KDM2B: variants seen among roughly 807,000 people sequenced by gnomAD.
The protein encoded by KDM2B is lysine-specific demethylase 2B.
Under a neutral mutation model 150.0 loss-of-function variants are expected in KDM2B, and 26 were observed. That is an observed-to-expected ratio of 0.17 (90% CI 0.13 to 0.24). The LOEUF (loss-of-function observed/expected upper bound fraction) is 0.24. Ranked by LOEUF, KDM2B falls within the 10% of genes least tolerant of loss-of-function variation. The pLI is 1.00. For missense variants in KDM2B, 1,265 were observed against 1,816.9 expected, an observed-to-expected ratio of 0.70 and a Z score of 5.52; for synonymous variants, 734 against 729.5, an observed-to-expected ratio of 1.01 and a Z score of -0.10.
rs377070751 is a variant in KDM2B, at chr12:121,534,502, C to T, written c.772G>A (p.Gly258Arg). 1.2e-6 allele frequency: 2 copies of T among 1,613,440 alleles called. No homozygotes were observed. The highest frequency in any genetic ancestry group is 2.2e-5 in the East Asian group (1 of 44,890). ...TSVWYHVFRGGKIFWLIPPTL... is the reference protein window; with the variant it reads ...TSVWYHVFRGRKIFWLIPPTL... ...TAAAGGCAACTGAAACTCACCTTCC[C>T]ACCCCGGAAAACATGGTACCAAACG... Residue 258 changes from glycine to arginine, a missense_variant, in exon 7 of 23, where the codon GGG becomes AGG. Gly to Arg is a moderately radical substitution (Grantham distance 125). Around this residue, in one of 11 missense-constraint regions of KDM2B, gnomAD observed 214 missense variants for 447.4 expected, o/e 0.48. Transcript: ENST00000377071.
In KDM2B at chr12:121,445,955, T is replaced by C. The variant is rs1457926823; in HGVS notation, c.1960-537A>G. Among the ~76,000 whole-genome samples, 3 of 152,228 alleles carry C rather than the reference T, an allele frequency of 2.0e-5. No homozygotes were observed. In the East Asian group the frequency reaches 5.8e-4, roughly 29 times the overall value. On this transcript the variant is annotated intron_variant, in intron 13 of 22. Transcript: ENST00000377071. Reference sequence around the variant, plus strand: ...TACAGAAAGGTTAGGAGGTCAGAACTGTCTTCAGAATAACAGACGTTATTT... The same window carrying C: ...TACAGAAAGGTTAGGAGGTCAGAACCGTCTTCAGAATAACAGACGTTATTT...
At chr12:121,527,487 C>T (rs1887245790) in intron 8 of KDM2B, among the ~76,000 whole-genome samples, 1 of 150,154 alleles carries the variant, frequency 6.7e-6, no homozygotes, top group South Asian at 2.1e-4. Flanking sequence ...CCCGTCTCTA[C>T]TAAAAATACA....
At chr12:121,431,870 TTC>T (rs1215526050) in intron 22 of KDM2B, among the ~76,000 whole-genome samples, 1 of 127,464 alleles carries the variant, frequency 7.8e-6, no homozygotes, top group Non-Finnish European at 1.6e-5. Context: ...ATGGGTTTTT[TTC>T]TTTTTTCTTT....
In KDM2B at chr12:121,520,905, T is replaced by C. The variant is rs992259492; in HGVS notation, c.1047+80A>G. ...AGAGGGGAACTGTGGAGGACTTCAG[T>C]ATGACCTGTCCCACACACCGAGCAC... On this transcript the variant is annotated intron_variant, in intron 9 of 22. Transcript: ENST00000377071. This position sits in a 1 kb window ranked among gnomAD's most constrained non-coding sequence, Gnocchi z 4.5. 2 of 990,946 alleles carry C rather than the reference T, an allele frequency of 2.0e-6. No individual in the cohort carries two copies. The highest frequency in any genetic ancestry group is 2.7e-5 in the South Asian group (2 of 74,884). 61.4% of individuals were successfully genotyped at this position (990,946 alleles called of 1,614,324 possible).
chr12:121,486,254 G>A (rs1259120583), intron 12 of KDM2B, among the ~76,000 whole-genome samples: 1 of 148,320 alleles, frequency 6.7e-6, no homozygotes, highest in African/African-American at 2.5e-5. Context: ...GATTACAGGT[G>A]CCCACCACCA....
chr12:121,478,371 T>G (rs1290918477), intron 12 of KDM2B, among the ~76,000 whole-genome samples: 12 of 151,220 alleles, frequency 7.9e-5, no homozygotes, highest in Non-Finnish European at 1.3e-4. Flanking sequence ...CTTTTTTTTT[T>G]TTTTTTAAGA....
At chr12:121,529,700 C>T (rs1176002797) in intron 8 of KDM2B, among the ~76,000 whole-genome samples, 3 of 151,058 alleles carry the variant, frequency 2.0e-5, no homozygotes, top group Non-Finnish European at 4.4e-5. Flanking sequence ...GAGGCCGAGG[C>T]GGGTGGATCA....
chr12:121,439,010 A>G (rs1459019430), intron 22 of KDM2B, among the ~76,000 whole-genome samples: 1 of 152,190 alleles, frequency 6.6e-6, no homozygotes, highest in African/African-American at 2.4e-5. Flanking sequence ...GTCCTTCAGA[A>G]CCAACTGCCG....
chr12:121,423,843 C>T, the KDM2B span: 3 of 391,622 alleles, frequency 7.7e-6, no homozygotes, highest in Non-Finnish European at 1.4e-5. This position sits in a 1 kb window ranked among gnomAD's most constrained non-coding sequence, Gnocchi z 4.3. Flanking sequence ...AGCCTGTTTG[C>T]GCCATGTGGG....
intron 10 of KDM2B, 24 bp from the exon 11 acceptor site, chr12:121,510,063 A>G: frequency 6.6e-7 from 1 of 1,518,590 alleles, no homozygotes; most frequent in Non-Finnish European, 8.8e-7. Flanking sequence ...GTCACAAGAA[A>G]GACCGAGATG....
chr12:121,522,684 C>T (rs1257069557), intron 8 of KDM2B, among the ~76,000 whole-genome samples: 3 of 151,508 alleles, frequency 2.0e-5, no homozygotes, highest in Non-Finnish European at 4.4e-5. Flanking sequence ...CCCGTCTCCA[C>T]TAAAAATACA....
In KDM2B at chr12:121,513,343, T is replaced by A; in HGVS notation, c.1107A>T (p.Arg369Ser). Residue 369 changes from arginine to serine, a missense_variant, in exon 10 of 23, where the codon AGA (arginine) becomes AGT (serine). Arg to Ser is a moderately radical substitution (Grantham distance 110). Around this residue, in one of 11 missense-constraint regions of KDM2B, gnomAD observed 214 missense variants for 447.4 expected, o/e 0.48. Transcript: ENST00000377071. The surrounding 1 kb of genome is among the most constrained non-coding windows in gnomAD (Gnocchi z 5.0). ...AGCGCTGGGTCACACAGTACACGTA[T>A]CTCTCCAGGACATACCAGCACATCT... ...YYEMCWYVLE[R>S]YVYCVTQRSH... The A allele has an allele frequency of 6.2e-7, 1 of 1,613,556 alleles. No individual in the cohort carries two copies. Among genetic ancestry groups the A allele is most frequent in the Non-Finnish European group, 8.5e-7 (1 of 1,179,864 alleles).
At chr12:121,576,886 GGGA>G (rs1378418638) in intron 2 of KDM2B, among the ~76,000 whole-genome samples, 1 of 152,202 alleles carries the variant, frequency 6.6e-6, no homozygotes, top group Non-Finnish European at 1.5e-5. Flanking sequence ...GCAGCCTTGG[GGGA>G]GGAGGAGGCC....
chr12:121,481,518 C>T (rs1004758715), intron 12 of KDM2B, among the ~76,000 whole-genome samples: 11 of 123,316 alleles, frequency 8.9e-5, no homozygotes, highest in Non-Finnish European at 1.6e-5. Flanking sequence ...CTAACAAAGC[C>T]AAATTCGAGA....
chr12:121,512,973 GCTCT>G (rs1555304244), intron 10 of KDM2B, among the ~76,000 whole-genome samples: 1 of 152,250 alleles, frequency 6.6e-6, no homozygotes, highest in Non-Finnish European at 1.5e-5. Context: ...AGGATTCTCT[GCTCT>G]GTGGGGTGAT....
Position 121,445,290 on chromosome 12 carries a change from G to A in KDM2B, c.2088C>T (p.His696=), listed in dbSNP as rs1875955103. The stretch of plus-strand genomic sequence containing the variant: ...GGCCACTCACCTTAAGGCATCCAGG[G>A]TGGATGATTTCATTGCAGATGGAGC... ...MECSICNEII[H]PGCLKIKESE... Residue 696 remains histidine, a synonymous_variant, in exon 14 of 23, where the codon CAC becomes CAT. Transcript: ENST00000377071. 1 of 1,614,054 alleles carries A rather than the reference G, an allele frequency of 6.2e-7. No individual in the cohort carries two copies. Among genetic ancestry groups the A allele is most frequent in the African/African-American group, 1.3e-5 (1 of 75,022 alleles).
intron 4 of KDM2B, among the ~76,000 whole-genome samples, chr12:121,552,393 C>T (rs1292288714): frequency 1.3e-5 from 2 of 152,168 alleles, no homozygotes; most frequent in African/African-American, 4.8e-5. Flanking sequence ...CCAGACCTGG[C>T]CAAGTGCAGT....
At chr12:121,539,689 T>G (rs1020198932) in intron 6 of KDM2B, among the ~76,000 whole-genome samples, 2 of 151,888 alleles carry the variant, frequency 1.3e-5, no homozygotes, top group African/African-American at 4.8e-5. Context: ...TTTAAAGGAA[T>G]TTCTGAGTTA....
the KDM2B span, chr12:121,420,279 A>G: frequency 6.2e-7 from 1 of 1,602,014 alleles, no homozygotes; most frequent in Non-Finnish European, 8.5e-7. Context: ...ACAGAAGATG[A>G]TGATGACGAC....
Sources: allele counts gnomAD v4.1 joint callset (sites outside exome capture counted in the v4.1 genomes callset), GRCh38; gene constraint gnomAD v4.1.1; regional missense constraint gnomAD v4.1.1; non-coding constraint Gnocchi (gnomAD v3.1); transcripts MANE v1.5; gene names NCBI Gene and HGNC (gene_info 2026-07-23, HGNC 2026-07-21).